The following RGPD3 variants were observed in gnomAD, a reference collection of about 807,000 sequenced individuals.
The protein encoded by RGPD3 is RANBP2 like and GRIP domain containing 3.
A neutral mutation model predicts 154.5 loss-of-function variants in RGPD3; 62 were observed. The ratio of observed to expected loss-of-function variants is 0.40; its 90% CI spans 0.33 to 0.50. The LOEUF is 0.50. Among genes scored for constraint, RGPD3 ranks in the 20% least tolerant of loss-of-function variants. The pLI is 0.59. For synonymous variants in RGPD3, 308 were observed against 607.0 expected, an observed-to-expected ratio of 0.51 and a Z score of 7.24; for missense variants, 919 against 1,716.8, an observed-to-expected ratio of 0.54 and a Z score of 8.21.
rs1558847991 is a variant in RGPD3, at chr2:106,436,134, G to A, written c.1747C>T (p.Leu583Phe). 1.2e-6 allele frequency: 2 copies of A among 1,604,542 alleles called. No individual in the cohort carries two copies. Among genetic ancestry groups the A allele is most frequent in the Non-Finnish European group, 1.7e-6 (2 of 1,177,972 alleles). The change falls in exon 12 of 23, where the codon CTT becomes TTT. Residue 583 changes from leucine to phenylalanine, a missense_variant. Leu to Phe is a conservative substitution (Grantham distance 22). Coordinates refer to ENST00000409886, the MANE Select transcript of RGPD3 (RefSeq NM_001144013.2). ...ACTTTAAAACTCACCATTTTCTGAA[G>A]GCATTTTGCCCAATGTACAAGCAGA... The part of the protein sequence containing the change: ...PALLVHWAKC[L>F]QKMGSGLNSF...
At chr2:106,449,511 G>C (rs1300003696) in intron 6 of RGPD3, among the ~76,000 whole-genome samples, 2 of 147,734 alleles carry the variant, frequency 1.4e-5, no homozygotes, top group East Asian at 3.9e-4. Flanking sequence ...ACACACAATA[G>C]GGCTTATTAC....
chr2:106,409,153 G>A (rs1402270679), intron 22 of RGPD3, among the ~76,000 whole-genome samples: 1 of 152,144 alleles, frequency 6.6e-6, no homozygotes, highest in Non-Finnish European at 1.5e-5. Flanking sequence ...AAAGGTACTT[G>A]TTTGCTCTGA....
chr2:106,416,125 C>T (rs1357281757), intron 20 of RGPD3, 136 bp from the exon 21 acceptor site: 102 of 1,412,274 alleles, frequency 7.2e-5, no homozygotes, highest in Non-Finnish European at 8.5e-5. Flanking sequence ...TTCATCTATT[C>T]GGCATACCTC....
chr2:106,469,826 G>A (rs1678767986), upstream of RGPD3, among the ~76,000 whole-genome samples: 2 of 152,100 alleles, frequency 1.3e-5, no homozygotes, highest in South Asian at 4.1e-4. Flanking sequence ...AACCTCACTT[G>A]GAGGCTAACT....
At chr2:106,448,506 C>T (rs1195623218) in intron 6 of RGPD3, among the ~76,000 whole-genome samples, 2 of 150,400 alleles carry the variant, frequency 1.3e-5, no homozygotes, top group African/African-American at 4.9e-5. Flanking sequence ...AAAGCAAACA[C>T]TTAAACGTGA....
chr2:106,420,677 A>G (rs1245411659), intron 20 of RGPD3, among the ~76,000 whole-genome samples: 3 of 151,556 alleles, frequency 2.0e-5, no homozygotes, highest in Non-Finnish European at 4.4e-5. Flanking sequence ...TCTGGACATA[A>G]TGAGTTAAAT....
intron 22 of RGPD3, among the ~76,000 whole-genome samples, chr2:106,411,179 G>A (rs948361148): frequency 1.4e-5 from 2 of 143,816 alleles, no homozygotes; most frequent in Admixed American, 7.2e-5. Flanking sequence ...TCAGATGCCT[G>A]CTCAATTTTG....
intron 6 of RGPD3, among the ~76,000 whole-genome samples, chr2:106,450,501 C>G (rs1438776927): frequency 6.7e-6 from 1 of 149,572 alleles, no homozygotes; most frequent in African/African-American, 2.5e-5. Context: ...TGACTCCATT[C>G]CCATGGTCAT....
At position 106,424,321 on chromosome 2, in the gene RGPD3, CTTTTG is replaced by C; in HGVS notation, c.3641_3645del (p.Thr1214SerfsTer3). ...GAACCCTTATTTTCTTCCTCAGCGA[CTTTTG>C]TTTGATCATTTGTCAAAAATGTTTT... On this transcript the variant is annotated frameshift_variant, in exon 20 of 23. Coordinates refer to ENST00000409886, the MANE Select transcript of RGPD3 (RefSeq NM_001144013.2). LOFTEE classifies it high-confidence loss of function. 2.5e-6 allele frequency: 4 copies of C among 1,611,934 alleles called. No homozygotes were observed. The highest frequency in any genetic ancestry group is 3.4e-6 in the Non-Finnish European group (4 of 1,179,860).
rs1269001961 is a variant in RGPD3 at position 106,455,181 on chromosome 2, T to A, written c.405+1790A>T. Among the ~76,000 whole-genome samples the A allele has an allele frequency of 3.3e-5, 5 of 150,826 alleles. No homozygotes were observed. In the South Asian group the frequency reaches 1.1e-3, roughly 32 times the overall value. On this transcript the variant is annotated intron_variant, in intron 4 of 22. Coordinates refer to ENST00000409886, the MANE Select transcript of RGPD3 (RefSeq NM_001144013.2). ...AGACTCTGTCTCAAAAAAATAGAAA[T>A]AAAAAAAGTGAAAGGTTAAATTGTG...
intron 20 of RGPD3, among the ~76,000 whole-genome samples, chr2:106,418,465 G>A (rs968260322): frequency 6.6e-6 from 1 of 152,018 alleles, no homozygotes; most frequent in Non-Finnish European, 1.5e-5. Context: ...AATTGTTGCT[G>A]CTCACACCTA....
In RGPD3 at chr2:106,430,010, A is replaced by G. The variant is rs556827437; in HGVS notation, c.2470-229T>C. Among the ~76,000 whole-genome samples, 10 of 152,138 alleles carry G rather than the reference A, an allele frequency of 6.6e-5. No homozygotes were observed. In the East Asian group the frequency reaches 1.4e-3, roughly 21 times the overall value. On this transcript the variant is annotated intron_variant, in intron 17 of 22. Transcript: ENST00000409886. ...GCAATTCTCCCACCTCAGCCTCCCA[A>G]CTAGCTGGGATTACAGGTGTCAGCC...
At position 106,405,039 on chromosome 2, in the gene RGPD3, T is replaced by G. The variant is rs1323294064; in HGVS notation, c.*180A>C. 4 of 715,992 alleles carry G rather than the reference T, an allele frequency of 5.6e-6. No homozygotes were observed. Among genetic ancestry groups the G allele is most frequent in the Admixed American group, 2.9e-5 (1 of 34,204 alleles). The allele number at this position is 715,992 out of a possible 1,614,324, so 44.4% of individuals were successfully genotyped here. The stretch of plus-strand genomic sequence containing the variant: ...TTAAAATACATCTGTCATATAGATG[T>G]ACAAATATATGTAAATGCAAACATA... On this transcript the variant is annotated 3_prime_UTR_variant, in exon 23 of 23. Coordinates refer to ENST00000409886, the MANE Select transcript of RGPD3 (RefSeq NM_001144013.2).
rs1226742901 is a variant in RGPD3 at position 106,403,882 on chromosome 2, CAGAA to C, written c.*1333_*1336del. Among the ~76,000 whole-genome samples, 1 of 152,198 alleles carries C rather than the reference CAGAA, an allele frequency of 6.6e-6. No individual in the cohort carries two copies. The highest frequency in any genetic ancestry group is 1.5e-5 in the Non-Finnish European group (1 of 68,038). On this transcript the variant is annotated 3_prime_UTR_variant, in exon 23 of 23. Transcript: ENST00000409886. ...AAAGTGCAAAGTCAGTTCCCCAGCT[CAGAA>C]AGAAAATTAAGAGTATAAACTGAAG...
intron 2 of RGPD3, among the ~76,000 whole-genome samples, chr2:106,458,727 TA>T (rs57559694): frequency 0.33 from 11,888 of 36,342 alleles, 1,111 homozygotes; most frequent in African/African-American, 0.41. Flanking sequence ...AGATACTGCC[TA>T]AAAAAAAAAA....
chr2:106,436,197 T>C lies in RGPD3; in HGVS notation c.1684A>G (p.Thr562Ala), dbSNP rs780096587. The change falls in exon 12 of 23, where the codon ACT becomes GCT. Residue 562 changes from threonine to alanine, a missense_variant. Thr to Ala is a moderately conservative substitution (Grantham distance 58). Coordinates refer to ENST00000409886, the MANE Select transcript of RGPD3 (RefSeq NM_001144013.2). The part of the protein sequence containing the change: ...LRLLVQHEIN[T>A]LRAQEKHGLQ... The stretch of plus-strand genomic sequence containing the variant: ...CCATGTTTTTCCTGGGCTCTTAGAG[T>C]GTTTATTTCATGCTGAACTAGAAGT... 1 of 1,611,736 alleles carries C rather than the reference T, an allele frequency of 6.2e-7. No individual in the cohort carries two copies.
chr2:106,448,519 C>T (rs1205190673), intron 6 of RGPD3, among the ~76,000 whole-genome samples: 2 of 150,532 alleles, frequency 1.3e-5, no homozygotes, highest in African/African-American at 4.9e-5. Flanking sequence ...AAACGTGAAG[C>T]ATGATTTTAA....
At chr2:106,449,795 A>G (rs1678054457) in intron 6 of RGPD3, among the ~76,000 whole-genome samples, 1 of 151,690 alleles carries the variant, frequency 6.6e-6, no homozygotes, top group Non-Finnish European at 1.5e-5. Context: ...AGGCAGGCGG[A>G]TCACAAGGTC....
At chr2:106,415,662 G>C (rs1313329979) in intron 21 of RGPD3, among the ~76,000 whole-genome samples, 188 bp downstream of exon 21, 1 of 74,540 alleles carries the variant, frequency 1.3e-5, no homozygotes, top group Non-Finnish European at 2.3e-5. Flanking sequence ...GCGTGACAAA[G>C]CAAGACTGTC....
Sources: allele counts gnomAD v4.1 joint callset (sites outside exome capture counted in the v4.1 genomes callset), GRCh38; gene constraint gnomAD v4.1.1; transcripts MANE v1.5; gene names NCBI Gene and HGNC (gene_info 2026-07-23, HGNC 2026-07-21).